The following SLIT3 variants were observed in gnomAD, a reference collection of about 807,000 sequenced individuals.
SLIT3 encodes slit guidance ligand 3.
In SLIT3, 68 loss-of-function variants were observed where a neutral mutation model predicts 184.0. That is an observed-to-expected ratio of 0.37 (90% confidence interval 0.30 to 0.45). SLIT3 has a LOEUF of 0.45. Among genes scored for constraint, SLIT3 ranks in the 20% least tolerant of loss-of-function variants. The pLI is 1.00. For synonymous variants in SLIT3, 831 were observed against 828.6 expected (o/e 1.00, Z -0.05); for missense variants, 1,707 against 2,026.0 (o/e 0.84, Z 3.02).
intron 26 of SLIT3, among the ~76,000 whole-genome samples, chr5:168,704,165 G>C (rs1461485183): frequency 6.6e-6 from 1 of 151,844 alleles, no homozygotes; most frequent in Non-Finnish European, 1.5e-5. Context: ...ATTTTAATAA[G>C]CTCTCCAGTG....
rs370295106 is a variant in SLIT3 at position 169,263,695 on chromosome 5, C to T, written c.198-12236G>A. 1.0e-4 allele frequency: 51 copies of T among 511,900 alleles called. No individual in the cohort carries two copies. In the African/African-American group the frequency reaches 1.0e-3, roughly 10 times the overall value. The allele number at this position is 511,900 out of a possible 1,614,324, so 31.7% of individuals were successfully genotyped here. ...GGGCTGCCATAGCACAGACACCCCACACTCCCCCTGCAGCCTCCCCCAGCT... is the reference window on the plus strand; with the variant it reads ...GGGCTGCCATAGCACAGACACCCCATACTCCCCCTGCAGCCTCCCCCAGCT... On this transcript the variant is annotated intron_variant, in intron 1 of 35. Transcript: ENST00000519560.
At chr5:169,010,625 G>C (rs565176602) in intron 4 of SLIT3, among the ~76,000 whole-genome samples, 22 of 152,314 alleles carry the variant, frequency 1.4e-4, no homozygotes, top group African/African-American at 5.1e-4. Context: ...CTTTTGGTCA[G>C]GTGTGGTGGC....
chr5:168,753,266 A>T (rs1386209188), intron 17 of SLIT3, among the ~76,000 whole-genome samples, 168 bp from the exon 18 acceptor site: 1 of 152,144 alleles, frequency 6.6e-6, no homozygotes, highest in Non-Finnish European at 1.5e-5. Context: ...CTGGAGCCCC[A>T]CTGGGGCTGT....
intron 4 of SLIT3, among the ~76,000 whole-genome samples, chr5:168,908,817 T>TG (rs1761164415): frequency 6.6e-6 from 1 of 152,082 alleles, no homozygotes; most frequent in African/African-American, 2.4e-5. Flanking sequence ...ACGATGGAGG[T>TG]GTTCAACTAC....
chr5:169,101,572 A>T (rs1478602618), intron 4 of SLIT3, among the ~76,000 whole-genome samples: 1 of 152,146 alleles, frequency 6.6e-6, no homozygotes, highest in African/African-American at 2.4e-5. Context: ...TTGCCTCCTC[A>T]ATTCATTCTC....
intron 4 of SLIT3, among the ~76,000 whole-genome samples, chr5:169,043,733 A>C (rs1757527568): frequency 6.6e-6 from 1 of 152,228 alleles, no homozygotes; most frequent in Non-Finnish European, 1.5e-5. Context: ...TGTGAGAGAA[A>C]GCAATGAGTT....
intron 20 of SLIT3, among the ~76,000 whole-genome samples, chr5:168,725,123 A>T (rs1224572760): frequency 6.6e-6 from 1 of 152,178 alleles, no homozygotes; most frequent in Admixed American, 6.5e-5. Context: ...TCCCAGCAGA[A>T]GGACTACATG....
intron 4 of SLIT3, among the ~76,000 whole-genome samples, chr5:169,115,344 C>A (rs936017251): frequency 6.6e-6 from 1 of 152,172 alleles, no homozygotes; most frequent in African/African-American, 2.4e-5. Flanking sequence ...GTGACACAGG[C>A]CATAATTCCT....
chr5:168,669,605 A>G (rs934927953), intron 35 of SLIT3, among the ~76,000 whole-genome samples, 178 bp downstream of exon 35: 3 of 152,348 alleles, frequency 2.0e-5, no homozygotes, highest in Non-Finnish European at 1.5e-5. Context: ...GATAACTGAT[A>G]CAGGAAGGTA....
chr5:168,836,057 T>G lies in SLIT3; in HGVS notation c.557+8527A>C, dbSNP rs138333645. Among the ~76,000 whole-genome samples, 554 of 152,274 alleles carry G rather than the reference T, an allele frequency of 3.6e-3. 1 individual carries two copies. Among genetic ancestry groups the G allele is most frequent in the African/African-American group, 0.012 (515 of 41,560 alleles). On this transcript the variant is annotated intron_variant, in intron 6 of 35. Transcript: ENST00000519560. The stretch of plus-strand genomic sequence containing the variant: ...TCCCAGCCTTGTGTCTCCATCACCT[T>G]CTCCACATCATCCTTCCTTCCATTA...
intron 6 of SLIT3, among the ~76,000 whole-genome samples, chr5:168,831,447 T>C (rs1483538011): frequency 6.6e-6 from 1 of 152,172 alleles, no homozygotes; most frequent in African/African-American, 2.4e-5. Flanking sequence ...TTAAAGCTCA[T>C]AACCATTGTG....
chr5:168,862,839 T>C (rs1759160474), intron 5 of SLIT3, among the ~76,000 whole-genome samples: 1 of 152,172 alleles, frequency 6.6e-6, no homozygotes, highest in African/African-American at 2.4e-5. Context: ...CATGCCTGGC[T>C]AATTTTTGTA....
intron 5 of SLIT3, among the ~76,000 whole-genome samples, chr5:168,865,795 T>C (rs1759277737): frequency 6.6e-6 from 1 of 152,220 alleles, no homozygotes; most frequent in South Asian, 2.1e-4. Flanking sequence ...TCAGGCTTTT[T>C]TCCCCATGCA....
intron 1 of SLIT3, among the ~76,000 whole-genome samples, chr5:169,286,848 AC>A (rs1187924577): frequency 6.6e-6 from 1 of 152,248 alleles, no homozygotes; most frequent in Non-Finnish European, 1.5e-5. Flanking sequence ...AGCAACACAG[AC>A]AAAGAAAACT....
At chr5:169,258,837 C>T (rs1342675060) in intron 1 of SLIT3, among the ~76,000 whole-genome samples, 1 of 152,178 alleles carries the variant, frequency 6.6e-6, no homozygotes, top group Non-Finnish European at 1.5e-5. Flanking sequence ...AGCTGTGGCA[C>T]ATCTGGGAAG....
intron 4 of SLIT3, among the ~76,000 whole-genome samples, chr5:169,157,074 C>A (rs1460530893): frequency 6.6e-6 from 1 of 152,120 alleles, no homozygotes; most frequent in Non-Finnish European, 1.5e-5. Flanking sequence ...GAATAGGGAG[C>A]CTAGACAAAG....
chr5:168,826,682 A>T (rs1757716249), intron 6 of SLIT3, among the ~76,000 whole-genome samples: 1 of 152,222 alleles, frequency 6.6e-6, no homozygotes, highest in South Asian at 2.1e-4. Context: ...ATTAGATGAG[A>T]TGTTACTGAT....
intron 20 of SLIT3, among the ~76,000 whole-genome samples, chr5:168,745,125 G>C (rs1345301607): frequency 6.6e-6 from 1 of 152,216 alleles, no homozygotes; most frequent in Non-Finnish European, 1.5e-5. Flanking sequence ...GGATGACCTT[G>C]AGGGGTTCAA....
chr5:168,681,524 A>C (rs1761591101), intron 32 of SLIT3, among the ~76,000 whole-genome samples: 1 of 152,250 alleles, frequency 6.6e-6, no homozygotes, highest in Admixed American at 6.5e-5. Context: ...ATGAAGATCT[A>C]GGCCAGGAGT....
Sources: allele counts gnomAD v4.1 joint callset (sites outside exome capture counted in the v4.1 genomes callset), GRCh38; gene constraint gnomAD v4.1.1; transcripts MANE v1.5; gene names NCBI Gene and HGNC (gene_info 2026-07-23, HGNC 2026-07-21).